SATL1: variants seen among roughly 807,000 people sequenced by gnomAD.
The protein encoded by SATL1 is spermidine/spermine N(1)-acetyltransferase-like protein 1.
A neutral mutation model predicts 51.8 loss-of-function variants in SATL1; 47 were observed. The observed-to-expected ratio is 0.91, with a 90% confidence interval of 0.72 to 1.16. The LOEUF (loss-of-function observed/expected upper bound fraction) is 1.16. Ranked by LOEUF, SATL1 falls within the 50% of genes most tolerant of loss-of-function variation. SATL1 has a pLI of 0.00. For missense variants in SATL1, 520 were observed against 526.4 expected (o/e 0.99, Z 0.12); for synonymous variants, 176 against 182.4 (o/e 0.97, Z 0.28).
At chrX:85,150,658 A>G (rs1220305111) in intron 2 of SATL1, among the ~76,000 whole-genome samples, 1 of 112,038 alleles carries the variant, frequency 8.9e-6, no homozygotes, top group African/African-American at 3.3e-5. Flanking sequence ...AGGCTGGTTC[A>G]ACATATGAAA....
At position 85,243,731 on chromosome X, in the gene SATL1, A is replaced by G. The variant is rs968037305; in HGVS notation, c.-578T>C. The stretch of plus-strand genomic sequence containing the variant: ...TCTTCGTTTCCCTTGGGAAACCTGG[A>G]AAACAGAAAATCTTCCCACAGAAAC... On this transcript the variant is annotated 5_prime_UTR_variant, in exon 1 of 8. Coordinates refer to ENST00000644105, the MANE Select transcript of SATL1 (RefSeq NM_001367857.2). 2 of 109,716 alleles carry G rather than the reference A, an allele frequency of 1.8e-5. No individual in the cohort carries two copies. Among genetic ancestry groups the G allele is most frequent in the Non-Finnish European group, 3.8e-5 (2 of 52,566 alleles). 9.0% of individuals were successfully genotyped at this position (109,716 alleles called of 1,213,427 possible).
intron 2 of SATL1, among the ~76,000 whole-genome samples, chrX:85,161,961 C>T (rs770937134): frequency 1.5e-4 from 17 of 111,955 alleles, no homozygotes; most frequent in South Asian, 7.5e-4. Flanking sequence ...GTACCAACCA[C>T]TCTCTCAGAC....
intron 7 of SATL1, 187 bp from the exon 8 acceptor site, chrX:85,092,748 A>G: frequency 4.9e-6 from 2 of 407,621 alleles, no homozygotes; most frequent in East Asian, 7.8e-5. Flanking sequence ...TCTGAGCTTT[A>G]AAGCCCTCTT....
At chrX:85,131,522 T>A (rs1239487545) in intron 2 of SATL1, among the ~76,000 whole-genome samples, 4 of 111,010 alleles carry the variant, frequency 3.6e-5, no homozygotes, top group Non-Finnish European at 5.7e-5. Flanking sequence ...TCCATCCTTT[T>A]ATTTTGAGCC....
intron 2 of SATL1, among the ~76,000 whole-genome samples, chrX:85,191,621 A>G (rs1288224106): frequency 8.9e-6 from 1 of 111,918 alleles, no homozygotes; most frequent in African/African-American, 3.2e-5. Context: ...CACATATTCC[A>G]TGTTATATGT....
intron 2 of SATL1, among the ~76,000 whole-genome samples, chrX:85,136,854 G>A (rs1925969698): frequency 1.8e-5 from 2 of 111,703 alleles, no homozygotes; most frequent in Non-Finnish European, 3.8e-5. Flanking sequence ...GCAAAAATAA[G>A]TGAGCATAGG....
intron 2 of SATL1, among the ~76,000 whole-genome samples, chrX:85,163,210 T>TGGC (rs1335172888): frequency 9.2e-6 from 1 of 109,030 alleles, no homozygotes; most frequent in Non-Finnish European, 1.9e-5. Context: ...TTGTTGTTGT[T>TGGC]GGCAATTTCT....
intron 2 of SATL1, among the ~76,000 whole-genome samples, chrX:85,152,385 C>T (rs1322748899): frequency 9.0e-6 from 1 of 111,687 alleles, no homozygotes; most frequent in African/African-American, 3.3e-5. Context: ...TAAACTAGTT[C>T]AACCATTGTG....
At chrX:85,127,837 G>A (rs1367000369) in intron 2 of SATL1, among the ~76,000 whole-genome samples, 1 of 110,041 alleles carries the variant, frequency 9.1e-6, no homozygotes, top group Non-Finnish European at 1.9e-5. Flanking sequence ...GATGTTCCCT[G>A]CCCTATGTCC....
chrX:85,132,883 G>C (rs1221971962), intron 2 of SATL1, among the ~76,000 whole-genome samples: 3 of 112,180 alleles, frequency 2.7e-5, no homozygotes, highest in African/African-American at 9.7e-5. Flanking sequence ...CTTTCTGTTT[G>C]TTAGTTTTCC....
chrX:85,128,227 C>T (rs1225052656), intron 2 of SATL1, among the ~76,000 whole-genome samples: 2 of 111,828 alleles, frequency 1.8e-5, no homozygotes, highest in Non-Finnish European at 3.8e-5. Context: ...GCCACACTGT[C>T]TCCCACAATG....
chrX:85,202,495 G>A (rs1163719394), intron 2 of SATL1, among the ~76,000 whole-genome samples: 2 of 111,569 alleles, frequency 1.8e-5, no homozygotes. Flanking sequence ...CTTGAGTGCT[G>A]GCTATAGTTT....
chrX:85,211,580 A>T (rs1210061795), intron 2 of SATL1: 1 of 111,303 alleles, frequency 9.0e-6, no homozygotes. Context: ...TCCTCTAGAG[A>T]TACGTGTTTT....
chrX:85,168,742 T>C (rs926771552), intron 2 of SATL1, among the ~76,000 whole-genome samples: 8 of 111,904 alleles, frequency 7.1e-5, no homozygotes, highest in Non-Finnish European at 9.4e-5. Context: ...AACCTAGCAA[T>C]TACTTTCCTC....
At position 85,092,470 on chromosome X, in the gene SATL1, A is replaced by G. The variant is rs945227642; in HGVS notation, c.2009T>C (p.Leu670Ser). 8.3e-7 allele frequency: 1 copy of G among 1,207,441 alleles called. No homozygotes were observed. The highest frequency in any genetic ancestry group is 1.1e-6 in the Non-Finnish European group (1 of 893,171). Residue 670 changes from leucine (L) to serine (S), a missense_variant, in exon 8 of 8, where the codon TTA becomes TCA. Transcript: ENST00000644105. ...CCAGCCCTCCTCAGAGGAAAGGTCT[A>G]AAGCCCCTCGACTAGTATAGTAGTT... ...SINYYTSRGA[L>S]DLSSEEGWHL...
Position 85,165,019 on chromosome X carries a change from C to T in SATL1, c.-312-55739G>A, listed in dbSNP as rs757642590. Among the ~76,000 whole-genome samples the T allele has an allele frequency of 2.6e-4, 29 of 111,299 alleles. 1 individual carries two copies. The highest frequency in any genetic ancestry group is 4.8e-4 in the Admixed American group (5 of 10,436). On this transcript the variant is annotated intron_variant, in intron 2 of 7. Transcript: ENST00000644105. ...GATTGAAGGCGTGAGCCACTGCACCCGGCCTGATCTTTTTGTAATAAATTT... is the reference window on the plus strand; with the variant it reads ...GATTGAAGGCGTGAGCCACTGCACCTGGCCTGATCTTTTTGTAATAAATTT...
intron 2 of SATL1, among the ~76,000 whole-genome samples, chrX:85,208,203 G>C (rs1487908133): frequency 9.0e-6 from 1 of 111,075 alleles, no homozygotes; most frequent in Non-Finnish European, 1.9e-5. Flanking sequence ...GTTTCCAGCT[G>C]CATCTATGTC....
intron 4 of SATL1, among the ~76,000 whole-genome samples, chrX:85,097,747 GAAGTT>G (rs1343536929): frequency 8.9e-6 from 1 of 112,175 alleles, no homozygotes; most frequent in Non-Finnish European, 1.9e-5. Context: ...GTATGCTATT[GAAGTT>G]AAGTTGGTTT....
chrX:85,116,069 T>C (rs1177179394), intron 2 of SATL1: 1 of 111,368 alleles, frequency 9.0e-6, no homozygotes, highest in Non-Finnish European at 1.9e-5. Context: ...AGTATAGAGG[T>C]TACATGCCTC....
Sources: gnomAD v4.1 joint callset for allele counts (sites outside exome capture counted in the v4.1 genomes callset) on GRCh38, gnomAD v4.1.1 for gene constraint, MANE v1.5 for transcripts, NCBI Gene and HGNC (gene_info 2026-07-23, HGNC 2026-07-21) for gene names.